HMG20A: variants seen among roughly 807,000 people sequenced by gnomAD.
The protein encoded by HMG20A is high mobility group protein 20A.
In HMG20A, 17 loss-of-function variants were observed where a neutral mutation model predicts 43.9. That is an observed-to-expected ratio of 0.39 (90% CI 0.27 to 0.58). The LOEUF is 0.58. HMG20A is among the 20% of genes least tolerant of loss of function. The probability of loss-of-function intolerance (pLI) is 0.59; values close to 1 mark genes in which losing one functional copy is unlikely to be tolerated. For missense variants in HMG20A, 341 were observed against 438.2 expected (o/e 0.78, Z 1.98); for synonymous variants, 132 against 147.5 (o/e 0.89, Z 0.76).
rs1249187316 is a variant in HMG20A at position 77,478,312 on chromosome 15, C to T, written c.709C>T (p.Arg237Cys). Residue 237 changes from arginine to cysteine, a missense_variant, in exon 8 of 10, where the codon CGC (arginine) becomes TGC (cysteine). By Grantham distance (180) the Arg-to-Cys change is radical. Transcript: ENST00000336216. ...NHSKAREAEL[R>C]QLRKSNMEFE... ...GTCCTCAGCTCGGGAAGCAGAGCTCCGCCAGCTTCGCAAATCCAACATGGA... is the reference window on the plus strand; with the variant it reads ...GTCCTCAGCTCGGGAAGCAGAGCTCTGCCAGCTTCGCAAATCCAACATGGA... 2.5e-6 allele frequency: 4 copies of T among 1,613,348 alleles called. No homozygotes were observed. The highest frequency in any genetic ancestry group is 1.3e-5 in the African/African-American group (1 of 75,004).
the HMG20A span, among the ~76,000 whole-genome samples, chr15:77,495,160 G>A: frequency 6.6e-6 from 1 of 152,168 alleles, no homozygotes; most frequent in Non-Finnish European, 1.5e-5. Context: ...AAGGGGGAAA[G>A]GCTTTTGTTT....
rs1199501839 is a variant in HMG20A at position 77,440,966 on chromosome 15, T to C, written c.-4-17438T>C. 2.6e-5 allele frequency among the ~76,000 whole-genome samples: 4 copies of C among 152,200 alleles called. No individual in the cohort carries two copies. The South Asian group carries it at 8.3e-4, about 32-fold the overall frequency. On this transcript the variant is annotated intron_variant, in intron 1 of 9. Transcript: ENST00000336216. ...CAGATGTGTGGATTAAGTGGTATCATACACGTATAGCTCTTAAAATAGTGC... is the reference window on the plus strand; with the variant it reads ...CAGATGTGTGGATTAAGTGGTATCACACACGTATAGCTCTTAAAATAGTGC...
downstream of HMG20A, among the ~76,000 whole-genome samples, chr15:77,487,567 C>G (rs1437058273): frequency 3.3e-5 from 5 of 152,212 alleles, no homozygotes; most frequent in African/African-American, 1.2e-4. Flanking sequence ...GGTGGCCAGT[C>G]TTGTTTAGTA....
In HMG20A at chr15:77,483,760, G is replaced by A. The variant is rs946763179; in HGVS notation, c.*797G>A. On this transcript the variant is annotated 3_prime_UTR_variant, in exon 10 of 10. Coordinates refer to ENST00000336216, the MANE Select transcript of HMG20A (RefSeq NM_001304504.2). ...GTCCCAGCCCCAGCAAGGCTCTTCTGTTCCCATCTGTTGACAATGTCTTGT... is the reference window on the plus strand; with the variant it reads ...GTCCCAGCCCCAGCAAGGCTCTTCTATTCCCATCTGTTGACAATGTCTTGT... 6.5e-6 allele frequency: 1 copy of A among 152,682 alleles called. No homozygotes were observed. The highest frequency in any genetic ancestry group is 2.4e-5 in the African/African-American group (1 of 41,446). The allele number at this position is 152,682 out of a possible 1,614,324, so 9.5% of individuals were successfully genotyped here.
chr15:77,473,514 T>C (rs189605796), intron 6 of HMG20A, among the ~76,000 whole-genome samples: 1 of 152,346 alleles, frequency 6.6e-6, no homozygotes, highest in East Asian at 1.9e-4. Context: ...TAGTCAGTCA[T>C]CTGAATAGGT....
chr15:77,513,917 C>T, the HMG20A span, among the ~76,000 whole-genome samples: 3 of 152,040 alleles, frequency 2.0e-5, no homozygotes, highest in Non-Finnish European at 4.4e-5. Context: ...GTAGAGACGG[C>T]GTTTCACCAT....
chr15:77,476,319 T>TA (rs892546931), intron 6 of HMG20A, among the ~76,000 whole-genome samples: 2 of 151,774 alleles, frequency 1.3e-5, no homozygotes, highest in African/African-American at 4.8e-5. Flanking sequence ...CCGTCTCTAC[T>TA]AAAAAAATAC....
chr15:77,494,132 T>C, the HMG20A span, among the ~76,000 whole-genome samples: 1 of 131,982 alleles, frequency 7.6e-6, no homozygotes, highest in South Asian at 2.8e-4. Context: ...TAATGTTAAC[T>C]TTTTTTGTTG....
the HMG20A span, among the ~76,000 whole-genome samples, chr15:77,514,535 T>C: frequency 6.6e-6 from 1 of 152,228 alleles, no homozygotes; most frequent in Non-Finnish European, 1.5e-5. Flanking sequence ...ACACCTCCTG[T>C]TTCAAAAAGT....
chr15:77,499,892 C>G, the HMG20A span, among the ~76,000 whole-genome samples: 1 of 151,510 alleles, frequency 6.6e-6, no homozygotes. Flanking sequence ...TGCAGCAGCA[C>G]GATCCTGGCT....
intron 6 of HMG20A, 65 bp downstream of exon 6, chr15:77,471,879 T>C (rs1047220340): frequency 1.2e-5 from 11 of 918,906 alleles, no homozygotes; most frequent in African/African-American, 1.8e-5. Context: ...TTTGAAATGC[T>C]ATTGGATTTT....
the HMG20A span, among the ~76,000 whole-genome samples, chr15:77,505,788 G>A: frequency 2.0e-5 from 3 of 152,236 alleles, no homozygotes; most frequent in East Asian, 1.9e-4. Context: ...GTGATTCACC[G>A]GTGTGCAAGC....
chr15:77,452,915 T>G (rs1431135396), intron 1 of HMG20A, among the ~76,000 whole-genome samples: 2 of 152,186 alleles, frequency 1.3e-5, no homozygotes, highest in African/African-American at 4.8e-5. Flanking sequence ...ACAATACAGT[T>G]TTAACCCAAT....
the HMG20A span, among the ~76,000 whole-genome samples, chr15:77,513,504 C>T: frequency 0.01 from 1,574 of 152,222 alleles, 20 homozygotes; most frequent in African/African-American, 0.034. Flanking sequence ...GGCTGGGTGG[C>T]CTAAACAACA....
chr15:77,430,191 C>T (rs1291545914), intron 1 of HMG20A, among the ~76,000 whole-genome samples: 2 of 152,224 alleles, frequency 1.3e-5, no homozygotes, highest in Non-Finnish European at 2.9e-5. Context: ...TTAATCTTCA[C>T]ATCCTCACAG....
At chr15:77,446,985 G>A (rs967091153) in intron 1 of HMG20A, among the ~76,000 whole-genome samples, 24 of 152,044 alleles carry the variant, frequency 1.6e-4, no homozygotes, top group Non-Finnish European at 3.1e-4. Flanking sequence ...AGGGAGTAAG[G>A]CTTTACCAGC....
At chr15:77,421,517 A>G (rs1473700242) in intron 1 of HMG20A, among the ~76,000 whole-genome samples, 1 of 152,242 alleles carries the variant, frequency 6.6e-6, no homozygotes, top group Non-Finnish European at 1.5e-5. Context: ...TGAATTGCCA[A>G]CACCTGCACC....
chr15:77,435,315 T>C (rs1032988289), intron 1 of HMG20A, among the ~76,000 whole-genome samples: 4 of 152,112 alleles, frequency 2.6e-5, no homozygotes, highest in African/African-American at 9.7e-5. Context: ...GAGACAGTCT[T>C]CTCTGTCACC....
intron 1 of HMG20A, among the ~76,000 whole-genome samples, chr15:77,430,272 C>T (rs1310648888): frequency 6.6e-6 from 1 of 152,176 alleles, no homozygotes; most frequent in Non-Finnish European, 1.5e-5. Context: ...TTTAAATACT[C>T]TAGGTTAAAT....
Sources: gnomAD v4.1 joint callset for allele counts (sites outside exome capture counted in the v4.1 genomes callset) on GRCh38, gnomAD v4.1.1 for gene constraint, MANE v1.5 for transcripts, NCBI Gene and HGNC (gene_info 2026-07-23, HGNC 2026-07-21) for gene names.